STK32A: variants seen among roughly 807,000 people sequenced by gnomAD.
STK32A encodes serine/threonine kinase 32A.
In STK32A, 41 loss-of-function variants were observed where a neutral mutation model predicts 53.2. That is an observed-to-expected ratio of 0.77 (90% CI 0.60 to 1.00). STK32A has a LOEUF of 1.00. STK32A is among the 50% of genes least tolerant of loss of function. The pLI, the probability that STK32A is intolerant of heterozygous loss-of-function variation, is 0.00. For missense variants in STK32A, 458 were observed against 485.8 expected, an observed-to-expected ratio of 0.94 and a Z score of 0.54; for synonymous variants, 166 against 162.8, an observed-to-expected ratio of 1.02 and a Z score of -0.15.
intron 7 of STK32A, among the ~76,000 whole-genome samples, chr5:147,355,772 A>ATG (rs1181116539): frequency 7.7e-6 from 1 of 130,320 alleles, no homozygotes; most frequent in African/African-American, 3.3e-5. Context: ...ATGTATATGT[A>ATG]TGTGTGTGAG....
In STK32A at chr5:147,241,427, C is replaced by T. The variant is rs906745720; in HGVS notation, c.52+1741C>T. Among the ~76,000 whole-genome samples, 36 of 152,190 alleles carry T rather than the reference C, an allele frequency of 2.4e-4. No homozygotes were observed. In the Middle Eastern group the frequency reaches 0.01, roughly 43 times the overall value. ...CCGGGAGGCGGAGCTTGCAGTGAGC[C>T]GAGAACCGGCCACTGCACTCCAGCC... is the stretch of plus-strand genomic sequence containing the variant. On this transcript the variant is annotated intron_variant, in intron 2 of 12. Coordinates refer to ENST00000397936, the MANE Select transcript of STK32A (RefSeq NM_001112724.2).
At chr5:147,289,535 A>T (rs73794401) in intron 4 of STK32A, among the ~76,000 whole-genome samples, 41,119 of 151,358 alleles carry the variant, frequency 0.27, 5,847 homozygotes, top group South Asian at 0.5. Context: ...TGTGTGTGTG[A>T]ATAGGTATAA....
rs528925052 is a variant in STK32A, at chr5:147,312,858, G to A, written c.261-11040G>A. ...TACATATACCTTTGCCCTTTGTTTT[G>A]ACAAATCTTTGTTTTAGCAAACCCT... On this transcript the variant is annotated intron_variant, in intron 4 of 12. Transcript: ENST00000397936. Among the ~76,000 whole-genome samples the A allele has an allele frequency of 9.2e-5, 14 of 152,098 alleles. No homozygotes were observed. The South Asian group carries it at 2.9e-3, about 32-fold the overall frequency.
In STK32A at chr5:147,251,384, T is replaced by G. The variant is rs1753989412; in HGVS notation, c.52+11698T>G. 3.9e-5 allele frequency among the ~76,000 whole-genome samples: 6 copies of G among 152,226 alleles called. No homozygotes were observed. In the South Asian group the frequency reaches 1.2e-3, roughly 31 times the overall value. ...CTTGTTAGGGAGTGTTGGCAGAGAT[T>G]GTCGAACAACCATAATGCATTTTAT... is the stretch of plus-strand genomic sequence containing the variant. On this transcript the variant is annotated intron_variant, in intron 2 of 12. Coordinates refer to ENST00000397936, the MANE Select transcript of STK32A (RefSeq NM_001112724.2).
chr5:147,353,397 G>A (rs1036619064), intron 7 of STK32A, among the ~76,000 whole-genome samples: 4 of 152,238 alleles, frequency 2.6e-5, no homozygotes, highest in Non-Finnish European at 4.4e-5. Context: ...ATCATTAGGC[G>A]AGCTCCTTAT....
intron 2 of STK32A, among the ~76,000 whole-genome samples, chr5:147,252,881 C>G (rs1351197717): frequency 6.6e-6 from 1 of 152,124 alleles, no homozygotes; most frequent in Non-Finnish European, 1.5e-5. Context: ...CTATTTTGTT[C>G]ACTTTTGTAT....
At chr5:147,322,232 A>G (rs748186494) in intron 4 of STK32A, among the ~76,000 whole-genome samples, 1 of 152,222 alleles carries the variant, frequency 6.6e-6, no homozygotes, top group Non-Finnish European at 1.5e-5. Context: ...AATACCAAGC[A>G]TATGTTTCTC....
chr5:147,288,202 T>G (rs1752434397), intron 4 of STK32A, among the ~76,000 whole-genome samples: 1 of 152,162 alleles, frequency 6.6e-6, no homozygotes, highest in Non-Finnish European at 1.5e-5. Context: ...CCAGTGATTC[T>G]GGTACTACAT....
At chr5:147,287,025 C>G (rs779115032) in intron 4 of STK32A, among the ~76,000 whole-genome samples, 3 of 152,092 alleles carry the variant, frequency 2.0e-5, no homozygotes, top group Non-Finnish European at 4.4e-5. Flanking sequence ...TGCTTTGTAG[C>G]GTATTTCTTA....
At chr5:147,276,750 A>G (rs1380141091) in intron 2 of STK32A, among the ~76,000 whole-genome samples, 5 of 152,218 alleles carry the variant, frequency 3.3e-5, no homozygotes, top group Non-Finnish European at 7.3e-5. Flanking sequence ...AAGAGAAGTC[A>G]TTCCCTTGAG....
At chr5:147,367,701 C>CTT (rs1266406866) in intron 8 of STK32A, among the ~76,000 whole-genome samples, 1 of 152,032 alleles carries the variant, frequency 6.6e-6, no homozygotes, top group Non-Finnish European at 1.5e-5. Context: ...ATTTTCACTT[C>CTT]TTTTGTGGTG....
intron 2 of STK32A, among the ~76,000 whole-genome samples, chr5:147,271,467 C>A (rs1755029138): frequency 6.6e-6 from 1 of 152,122 alleles, no homozygotes; most frequent in Non-Finnish European, 1.5e-5. Context: ...GAAAAAAGAA[C>A]AAGATAACAG....
intron 2 of STK32A, among the ~76,000 whole-genome samples, chr5:147,273,768 T>G (rs988970570): frequency 6.6e-6 from 1 of 152,240 alleles, no homozygotes; most frequent in East Asian, 1.9e-4. Flanking sequence ...GATTTTTATG[T>G]GTAGTTTTGA....
At chr5:147,297,236 C>T (rs950683652) in intron 4 of STK32A, among the ~76,000 whole-genome samples, 1 of 152,104 alleles carries the variant, frequency 6.6e-6, no homozygotes, top group Non-Finnish European at 1.5e-5. Flanking sequence ...TTCTGTCCAG[C>T]CGTATTTTCA....
chr5:147,301,169 G>A (rs1271435772), intron 4 of STK32A, among the ~76,000 whole-genome samples: 1 of 152,154 alleles, frequency 6.6e-6, no homozygotes, highest in Non-Finnish European at 1.5e-5. Context: ...GGGCAAAGGT[G>A]GTCCTTGTTA....
chr5:147,306,518 T>C (rs2151968623), intron 4 of STK32A, among the ~76,000 whole-genome samples: 1 of 151,400 alleles, frequency 6.6e-6, no homozygotes, highest in Non-Finnish European at 1.5e-5. Context: ...CAATAATAAA[T>C]ATTTATTATA....
intron 4 of STK32A, among the ~76,000 whole-genome samples, chr5:147,300,575 G>A (rs928499444): frequency 2.6e-5 from 4 of 152,216 alleles, no homozygotes; most frequent in African/African-American, 9.6e-5. Flanking sequence ...GAATGAATGT[G>A]TGTTAGTGTT....
intron 2 of STK32A, among the ~76,000 whole-genome samples, chr5:147,261,675 T>C (rs4705034): frequency 0.3 from 45,029 of 152,028 alleles, 7,034 homozygotes; most frequent in African/African-American, 0.36. Flanking sequence ...TATCTAACAC[T>C]GAAGGAGGCT....
At chr5:147,312,226 A>G (rs1268566074) in intron 4 of STK32A, among the ~76,000 whole-genome samples, 1 of 152,100 alleles carries the variant, frequency 6.6e-6, no homozygotes, top group Non-Finnish European at 1.5e-5. Context: ...TCAGCCTCCA[A>G]AGTAGCTGGA....
Sources: allele counts gnomAD v4.1 joint callset (sites outside exome capture counted in the v4.1 genomes callset), GRCh38; gene constraint gnomAD v4.1.1; transcripts MANE v1.5; gene names NCBI Gene and HGNC (gene_info 2026-07-23, HGNC 2026-07-21).